Variants in USP22 observed in about 807,000 individuals in gnomAD.
USP22 encodes ubiquitin carboxyl-terminal hydrolase 22.
USP22 carries 22 observed loss-of-function variants against 68.1 expected under a neutral mutation model. The observed-to-expected ratio is 0.32, with a 90% confidence interval of 0.23 to 0.46. USP22 has a LOEUF of 0.46. Among genes scored for constraint, USP22 ranks in the 20% least tolerant of loss-of-function variants. The pLI is 1.00. For missense variants in USP22, 433 were observed against 695.8 expected, an observed-to-expected ratio of 0.62 and a Z score of 4.25; for synonymous variants, 279 against 274.2, an observed-to-expected ratio of 1.02 and a Z score of -0.17.
At chr17:21,005,792 G>A (rs1270131746) in intron 10 of USP22, among the ~76,000 whole-genome samples, 4 of 152,198 alleles carry the variant, frequency 2.6e-5, no homozygotes, top group Admixed American at 6.5e-5. Context: ...CAACATCCAC[G>A]TCTCAACCCT....
intron 12 of USP22, 98 bp downstream of exon 12, chr17:21,004,104 C>A: frequency 6.7e-7 from 1 of 1,491,794 alleles, no homozygotes. Context: ...TCAACACCTT[C>A]GAGTGGTTCT....
chr17:21,013,805 T>C (rs1370455359), intron 6 of USP22, among the ~76,000 whole-genome samples: 3 of 152,240 alleles, frequency 2.0e-5, no homozygotes, highest in Non-Finnish European at 4.4e-5. Context: ...CCAGGCGCGG[T>C]GGCTCACGCC....
At chr17:21,032,747 T>A (rs1972305669) in intron 1 of USP22, among the ~76,000 whole-genome samples, 1 of 151,968 alleles carries the variant, frequency 6.6e-6, no homozygotes, top group Non-Finnish European at 1.5e-5. Flanking sequence ...AAGACCAGCC[T>A]GGGCCAAATG....
intron 6 of USP22, among the ~76,000 whole-genome samples, chr17:21,014,507 G>C (rs1914071580): frequency 6.6e-6 from 1 of 152,128 alleles, no homozygotes; most frequent in Admixed American, 6.6e-5. Flanking sequence ...GGATCACGTA[G>C]TTTTTCAGAG....
intron 2 of USP22, among the ~76,000 whole-genome samples, chr17:21,024,639 T>C (rs970674980): frequency 2.0e-5 from 3 of 152,206 alleles, no homozygotes; most frequent in African/African-American, 7.2e-5. Context: ...AAGGGATTCT[T>C]AGATCTGACA....
At chr17:21,010,410 G>A (rs1913919503) in intron 8 of USP22, among the ~76,000 whole-genome samples, 1 of 151,974 alleles carries the variant, frequency 6.6e-6, no homozygotes, top group Admixed American at 6.6e-5. Context: ...TCACAGGTGT[G>A]GTGGCTCATG....
chr17:21,031,368 G>C (rs1329881500), intron 1 of USP22, among the ~76,000 whole-genome samples: 1 of 152,250 alleles, frequency 6.6e-6, no homozygotes. Flanking sequence ...CAGCGTGGAT[G>C]AATCTCAGAA....
intron 12 of USP22, among the ~76,000 whole-genome samples, chr17:21,003,318 C>A (rs1443950463): frequency 6.6e-6 from 1 of 152,226 alleles, no homozygotes. Context: ...CATTGCCTCA[C>A]CCAACCTCCC....
intron 2 of USP22, among the ~76,000 whole-genome samples, chr17:21,021,433 G>A (rs983780272): frequency 1.2e-4 from 18 of 152,174 alleles, no homozygotes; most frequent in African/African-American, 4.3e-4. Context: ...CATGCCCAGG[G>A]CTGAGGTGTC....
At chr17:21,028,351 G>A (rs1972247889) in intron 2 of USP22, among the ~76,000 whole-genome samples, 191 bp downstream of exon 2, 1 of 152,156 alleles carries the variant, frequency 6.6e-6, no homozygotes, top group South Asian at 2.1e-4. Flanking sequence ...GGATGCGAAG[G>A]CAAACTGAGG....
At chr17:21,017,678 T>C (rs1416031948) in intron 5 of USP22, among the ~76,000 whole-genome samples, 3 of 152,124 alleles carry the variant, frequency 2.0e-5, no homozygotes, top group Non-Finnish European at 4.4e-5. Flanking sequence ...TAGAGACAAA[T>C]GTCACCCACC....
At chr17:21,040,369 G>A (rs1279700281) in intron 1 of USP22, among the ~76,000 whole-genome samples, 1 of 152,142 alleles carries the variant, frequency 6.6e-6, no homozygotes, top group Non-Finnish European at 1.5e-5. Flanking sequence ...AAGTGATACA[G>A]GTAAATAAGT....
chr17:21,008,120 T>G (rs1913835102), intron 8 of USP22, 124 bp from the exon 9 acceptor site: 1 of 1,189,082 alleles, frequency 8.4e-7, no homozygotes, highest in East Asian at 2.6e-5. Flanking sequence ...CACTTACAAC[T>G]AAAAATGAAA....
intron 1 of USP22, among the ~76,000 whole-genome samples, chr17:21,032,675 C>T (rs898058887): frequency 1.1e-4 from 17 of 152,134 alleles, no homozygotes; most frequent in African/African-American, 4.1e-4. Context: ...CGTGTTGGCT[C>T]ACGCCAGGAA....
chr17:21,002,268 T>G lies in USP22; in HGVS notation c.*763A>C, dbSNP rs898459306. 2 of 152,182 alleles carry G rather than the reference T, an allele frequency of 1.3e-5. No individual in the cohort carries two copies. The highest frequency in any genetic ancestry group is 4.8e-5 in the African/African-American group (2 of 41,432). 9.4% of individuals were successfully genotyped at this position (152,182 alleles called of 1,614,324 possible). ...GCACCCATTAAAAAGCAAGACTCGC[T>G]CTTGAGACTAAAGGAGAAGTTACCT... On this transcript the variant is annotated 3_prime_UTR_variant, in exon 13 of 13. Coordinates refer to ENST00000261497, the MANE Select transcript of USP22 (RefSeq NM_015276.2).
chr17:21,030,427 T>C (rs1972275253), intron 1 of USP22, among the ~76,000 whole-genome samples: 1 of 152,186 alleles, frequency 6.6e-6, no homozygotes, highest in South Asian at 2.1e-4. Context: ...CACGTGTACT[T>C]GTGTATTGAG....
At chr17:21,015,503 T>TC in intron 6 of USP22, 1 of 460,862 alleles carries the variant, frequency 2.2e-6, no homozygotes, top group Non-Finnish European at 3.7e-6. Flanking sequence ...TTCACTGTGA[T>TC]CGGTCACTGA....
chr17:21,003,108 T>C, intron 12 of USP22, 35 bp from the exon 13 acceptor site: 1 of 1,612,724 alleles, frequency 6.2e-7, no homozygotes, highest in Non-Finnish European at 8.5e-7. Context: ...GGCTCACCTC[T>C]AACTCCTAAG....
intron 1 of USP22, among the ~76,000 whole-genome samples, chr17:21,035,902 G>C (rs907578120): frequency 1.3e-5 from 2 of 151,736 alleles, no homozygotes; most frequent in East Asian, 3.9e-4. Flanking sequence ...GTGGTGGCAG[G>C]CGCCTGTAGT....
Sources: gnomAD v4.1 joint callset for allele counts (sites outside exome capture counted in the v4.1 genomes callset) on GRCh38, gnomAD v4.1.1 for gene constraint, MANE v1.5 for transcripts, NCBI Gene and HGNC (gene_info 2026-07-23, HGNC 2026-07-21) for gene names.